The following BAIAP2L1 variants were observed in gnomAD, a reference collection of about 807,000 sequenced individuals.
BAIAP2L1 encodes BAR/IMD domain containing adaptor protein 2 like 1.
BAIAP2L1 carries 35 observed loss-of-function variants against 66.3 expected under a neutral mutation model. That is an observed-to-expected ratio of 0.53 (90% CI 0.40 to 0.70). The LOEUF (loss-of-function observed/expected upper bound fraction) is 0.70. BAIAP2L1 is among the 30% of genes least tolerant of loss of function. BAIAP2L1 has a pLI of 0.00. For synonymous variants in BAIAP2L1, 269 were observed against 248.7 expected (o/e 1.08, Z -0.77); for missense variants, 622 against 656.9 (o/e 0.95, Z 0.58).
chr7:98,336,326 T>C (rs1235000195), intron 3 of BAIAP2L1, among the ~76,000 whole-genome samples: 2 of 151,882 alleles, frequency 1.3e-5, no homozygotes, highest in Non-Finnish European at 2.9e-5. Context: ...AATAAATGCA[T>C]AAATAGGCCA....
At chr7:98,384,440 C>T (rs1386770723) in intron 1 of BAIAP2L1, among the ~76,000 whole-genome samples, 1 of 152,052 alleles carries the variant, frequency 6.6e-6, no homozygotes, top group African/African-American at 2.4e-5. Context: ...CTCTTGCCTG[C>T]CTAGTTACTG....
rs1204757575 is a variant in BAIAP2L1, at chr7:98,400,823, C to T, written c.30G>A (p.Arg10=). 1.3e-6 allele frequency: 2 copies of T among 1,547,768 alleles called. No individual in the cohort carries two copies. Among genetic ancestry groups the T allele is most frequent in the Non-Finnish European group, 1.7e-6 (2 of 1,145,686 alleles). MSRGPEEVN[R]LTESTYRNVM... ...TTACCCGGTAGGTGCTCTCCGTGAG[C>T]CGGTTCACCTCCTCGGGCCCCCGGG... is the stretch of plus-strand genomic sequence containing the variant. Residue 10 remains arginine, a synonymous_variant, in exon 1 of 14, where the codon CGG becomes CGA. Coordinates refer to ENST00000005260, the MANE Select transcript of BAIAP2L1 (RefSeq NM_018842.5).
chr7:98,350,730 C>G (rs1801981945), intron 3 of BAIAP2L1, among the ~76,000 whole-genome samples: 1 of 152,162 alleles, frequency 6.6e-6, no homozygotes, highest in Non-Finnish European at 1.5e-5. Flanking sequence ...CCCCCTACCC[C>G]ACAGCCCCTA....
chr7:98,304,475 A>G (rs896391546), intron 11 of BAIAP2L1, 99 bp from the exon 12 acceptor site: 1 of 1,166,876 alleles, frequency 8.6e-7, no homozygotes, highest in Non-Finnish European at 1.2e-6. Flanking sequence ...GTAATAGTAC[A>G]TCACCAATCA....
At chr7:98,320,379 A>G in intron 3 of BAIAP2L1, 81 bp from the exon 4 acceptor site, 1 of 1,115,354 alleles carries the variant, frequency 9.0e-7, no homozygotes, top group Non-Finnish European at 1.3e-6. Context: ...TCTGTCGCCC[A>G]GGCTGGAGTG....
chr7:98,391,615 G>A (rs1195391791), intron 1 of BAIAP2L1, among the ~76,000 whole-genome samples: 1 of 151,708 alleles, frequency 6.6e-6, no homozygotes, highest in African/African-American at 2.4e-5. Flanking sequence ...GGGAGGCTGA[G>A]GCAGGAGAAT....
intron 1 of BAIAP2L1, among the ~76,000 whole-genome samples, chr7:98,375,685 G>T (rs7806524): frequency 0.37 from 53,635 of 146,704 alleles, 11,090 homozygotes; most frequent in Middle Eastern, 0.55. Context: ...GGAGGCGGAG[G>T]TTGCGGTGAT....
chr7:98,293,385 A>G lies in BAIAP2L1; in HGVS notation c.*136T>C. On this transcript the variant is annotated 3_prime_UTR_variant, in exon 14 of 14. Transcript: ENST00000005260. ...CAACTACGTGAAACAGAGAAGCATGATTTGCTTAAGCAGGCGACATTAGAG... is the reference window on the plus strand; with the variant it reads ...CAACTACGTGAAACAGAGAAGCATGGTTTGCTTAAGCAGGCGACATTAGAG... 1.3e-6 allele frequency: 1 copy of G among 778,600 alleles called. No homozygotes were observed. The highest frequency in any genetic ancestry group is 2.1e-6 in the Non-Finnish European group (1 of 471,070). The allele number at this position is 778,600 out of a possible 1,614,324, so 48.2% of individuals were successfully genotyped here. A position where few individuals can be genotyped will look rare whatever the true frequency, so the allele number is the denominator to read the frequency against.
At chr7:98,382,387 T>C (rs1802779945) in intron 1 of BAIAP2L1, among the ~76,000 whole-genome samples, 2 of 152,194 alleles carry the variant, frequency 1.3e-5, no homozygotes, top group Non-Finnish European at 2.9e-5. Context: ...GGCTCACGCC[T>C]GTAATCCCAG....
At chr7:98,351,414 C>A (rs1801997567) in intron 3 of BAIAP2L1, among the ~76,000 whole-genome samples, 1 of 152,178 alleles carries the variant, frequency 6.6e-6, no homozygotes, top group Admixed American at 6.6e-5. Context: ...ACCTGGTGTT[C>A]CTTGGCTCAT....
chr7:98,332,905 T>G (rs1396446577), intron 3 of BAIAP2L1, among the ~76,000 whole-genome samples: 1 of 150,866 alleles, frequency 6.6e-6, no homozygotes, highest in South Asian at 2.1e-4. Flanking sequence ...GGTAGAGCCC[T>G]TGCCAGGACT....
intron 1 of BAIAP2L1, chr7:98,400,118 A>G (rs1203836059): frequency 6.6e-6 from 1 of 151,270 alleles, no homozygotes; most frequent in East Asian, 2.0e-4. Flanking sequence ...ACTGATTCCA[A>G]GAAGTTGGGA....
At chr7:98,355,229 G>A (rs1448708090) in intron 2 of BAIAP2L1, 101 bp from the exon 3 acceptor site, 2 of 828,026 alleles carry the variant, frequency 2.4e-6, no homozygotes, top group African/African-American at 3.4e-5. Flanking sequence ...TCTGGCTGCA[G>A]GAAGGTTTGG....
Position 98,292,014 on chromosome 7 carries a change from G to GTTGT in BAIAP2L1, c.*1503_*1506dup, listed in dbSNP as rs1799978494. The stretch of plus-strand genomic sequence containing the variant: ...AGCCCTTTCTGTAGTACAGACTGGG[G>GTTGT]TTGTTAACATAGTTCATGGTGCCTG... On this transcript the variant is annotated 3_prime_UTR_variant, in exon 14 of 14. Transcript: ENST00000005260. 6.5e-6 allele frequency: 1 copy of GTTGT among 153,520 alleles called. No individual in the cohort carries two copies. Among genetic ancestry groups the GTTGT allele is most frequent in the East Asian group, 1.9e-4 (1 of 5,198 alleles). 9.5% of individuals were successfully genotyped at this position (153,520 alleles called of 1,614,324 possible).
intron 1 of BAIAP2L1, among the ~76,000 whole-genome samples, chr7:98,385,405 A>C (rs913535285): frequency 2.6e-5 from 4 of 152,160 alleles, no homozygotes; most frequent in Non-Finnish European, 5.9e-5. Flanking sequence ...TATTTCTCAG[A>C]TACCAGTAAG....
chr7:98,308,127 T>A (rs1224102450), intron 9 of BAIAP2L1: 2 of 655,570 alleles, frequency 3.1e-6, no homozygotes, highest in African/African-American at 1.8e-5. Flanking sequence ...CAGAAGAGGA[T>A]CCCTGCGGCT....
chr7:98,396,974 A>G (rs987922249), intron 1 of BAIAP2L1, among the ~76,000 whole-genome samples: 20 of 152,188 alleles, frequency 1.3e-4, no homozygotes, highest in African/African-American at 4.6e-4. Flanking sequence ...CATGCCTACT[A>G]TGTGCCAGGA....
chr7:98,386,693 G>GTT (rs71112150), intron 1 of BAIAP2L1: 4,774 of 185,590 alleles, frequency 0.026, 19 homozygotes, highest in Middle Eastern at 0.033. Context: ...CTTTCCAAAG[G>GTT]TTTTTTTTTT....
chr7:98,364,500 T>C (rs1168645481), intron 1 of BAIAP2L1, among the ~76,000 whole-genome samples: 1 of 152,182 alleles, frequency 6.6e-6, no homozygotes, highest in East Asian at 1.9e-4. Context: ...GGCAGCGCTC[T>C]TGTCAGCCAG....
Sources: allele counts gnomAD v4.1 joint callset (sites outside exome capture counted in the v4.1 genomes callset), GRCh38; gene constraint gnomAD v4.1.1; transcripts MANE v1.5; gene names NCBI Gene and HGNC (gene_info 2026-07-23, HGNC 2026-07-21).